The following FEM1B variants were observed in gnomAD, a reference collection of about 807,000 sequenced individuals.
FEM1B encodes the protein fem-1 homolog B, also known as protein fem-1 homolog B.
A neutral mutation model predicts 38.6 loss-of-function variants in FEM1B; 10 were observed. The observed-to-expected ratio is 0.26, with a 90% confidence interval of 0.16 to 0.44. FEM1B has a LOEUF of 0.44. Ranked by LOEUF, FEM1B falls within the 20% of genes least tolerant of loss-of-function variation. FEM1B has a pLI of 1.00. For missense variants in FEM1B, 471 were observed against 786.7 expected (o/e 0.60, Z 4.80); for synonymous variants, 288 against 288.0 (o/e 1.00, Z 0.00).
In FEM1B at chr15:68,278,042, A is replaced by T. The variant is rs1239376307; in HGVS notation, c.-376A>T. The stretch of plus-strand genomic sequence containing the variant: ...CCGGGGTGCGCGAGGTCCTCTCGGG[A>T]CCCGGCCGGCGACCCGTAGCTCGGG... On this transcript the variant is annotated 5_prime_UTR_variant, in exon 1 of 2. Transcript: ENST00000306917. The surrounding 1 kb of genome is among the most constrained non-coding windows in gnomAD (Gnocchi z 5.7). 1 of 217,276 alleles carries T rather than the reference A, an allele frequency of 4.6e-6. No homozygotes were observed. The highest frequency in any genetic ancestry group is 6.2e-5 in the Admixed American group (1 of 16,052). The allele number at this position is 217,276 out of a possible 1,614,324, so 13.5% of individuals were successfully genotyped here. A position where few individuals can be genotyped will look rare whatever the true frequency, so the allele number is the denominator to read the frequency against.
chr15:68,290,429 T>C lies in FEM1B; in HGVS notation c.1071T>C (p.Asn357=). 2 of 1,614,128 alleles carry C rather than the reference T, an allele frequency of 1.2e-6. No homozygotes were observed. Among genetic ancestry groups the C allele is most frequent in the Non-Finnish European group, 1.7e-6 (2 of 1,179,986 alleles). The change falls in exon 2 of 2, where the codon AAT becomes AAC. Residue 357 remains asparagine (N), a synonymous_variant. Coordinates refer to ENST00000306917, the MANE Select transcript of FEM1B (RefSeq NM_015322.5). The surrounding 1 kb of genome is among the most constrained non-coding windows in gnomAD (Gnocchi z 9.7). ...IIYRGAVYAD[N]MEFEQCIKLW... ...ACAGAGGAGCTGTTTATGCGGATAA[T>C]ATGGAATTTGAGCAGTGTATCAAGT...
Position 68,278,396 on chromosome 15 carries a change from G to GA in FEM1B, c.-22_-21insA. 1.9e-6 allele frequency: 3 copies of GA among 1,603,732 alleles called. No individual in the cohort carries two copies. Among genetic ancestry groups the GA allele is most frequent in the Non-Finnish European group, 2.6e-6 (3 of 1,175,328 alleles). On this transcript the variant is annotated 5_prime_UTR_variant, in exon 1 of 2. Transcript: ENST00000306917. The surrounding 1 kb of genome is among the most constrained non-coding windows in gnomAD (Gnocchi z 5.7). ...CAGCTGCAGCGGTGGCGACCAAACG[G>GA]GTGTTGGAGTTGGCGGCGGCCATGG... is the stretch of plus-strand genomic sequence containing the variant.
chr15:68,279,669 TCGACTGAAAA>T (rs1892705507), intron 1 of FEM1B, among the ~76,000 whole-genome samples: 1 of 150,554 alleles, frequency 6.6e-6, no homozygotes, highest in Non-Finnish European at 1.5e-5. Flanking sequence ...TGGCTAAAAC[TCGACTGAAAA>T]AAACATTTCT....
In FEM1B at chr15:68,290,610, A is replaced by G; in HGVS notation, c.1252A>G (p.Ile418Val). 1 of 1,614,252 alleles carries G rather than the reference A, an allele frequency of 6.2e-7. No individual in the cohort carries two copies. The highest frequency in any genetic ancestry group is 8.5e-7 in the Non-Finnish European group (1 of 1,180,036). Residue 418 changes from isoleucine (I) to valine (V), a missense_variant, in exon 2 of 2, where the codon ATA becomes GTA. Physicochemically the swap from Ile to Val is conservative, Grantham distance 29. This residue lies in a region of FEM1B where 380 missense variants were observed against 599.6 expected (regional missense o/e 0.63). Coordinates refer to ENST00000306917, the MANE Select transcript of FEM1B (RefSeq NM_015322.5). The surrounding 1 kb of genome is among the most constrained non-coding windows in gnomAD (Gnocchi z 9.7). Reference protein sequence around the residue: ...ECVLRCSVLEIEQSMNRVKNI... With the variant: ...ECVLRCSVLEVEQSMNRVKNI... ...TGTTTTGAGATGCAGTGTTTTGGAA[A>G]TAGAACAAAGTATGAACAGAGTGAA...
rs1180893899 is a variant in FEM1B at position 68,280,832 on chromosome 15, A to G, written c.248+2167A>G. 6.6e-6 allele frequency among the ~76,000 whole-genome samples: 1 copy of G among 152,236 alleles called. No homozygotes were observed. Among genetic ancestry groups the G allele is most frequent in the Non-Finnish European group, 1.5e-5 (1 of 68,048 alleles). ...TTGATTCTGTATATCAGTTTAGCTT[A>G]TGGATTATTACAATTATGAATTTAT... On this transcript the variant is annotated intron_variant, in intron 1 of 1. Coordinates refer to ENST00000306917, the MANE Select transcript of FEM1B (RefSeq NM_015322.5). This position sits in a 1 kb window ranked among gnomAD's most constrained non-coding sequence, Gnocchi z 4.2.
rs1050188488 is a variant in FEM1B, at chr15:68,288,924, C to T, written c.249-683C>T. ...TTTGTGCTTTCTCCCATTTCACTAC[C>T]TCTCCCCAAAAGTAACCAGTATCCT... On this transcript the variant is annotated intron_variant, in intron 1 of 1. Transcript: ENST00000306917. This position sits in a 1 kb window ranked among gnomAD's most constrained non-coding sequence, Gnocchi z 4.6. Among the ~76,000 whole-genome samples, 6 of 152,080 alleles carry T rather than the reference C, an allele frequency of 3.9e-5. No individual in the cohort carries two copies. Among genetic ancestry groups the T allele is most frequent in the African/African-American group, 1.4e-4 (6 of 41,392 alleles).
At position 68,278,177 on chromosome 15, in the gene FEM1B, G is replaced by T. The variant is rs1293338618; in HGVS notation, c.-241G>T. On this transcript the variant is annotated 5_prime_UTR_variant, in exon 1 of 2. Coordinates refer to ENST00000306917, the MANE Select transcript of FEM1B (RefSeq NM_015322.5). This position sits in a 1 kb window ranked among gnomAD's most constrained non-coding sequence, Gnocchi z 5.7. ...GGCCGGCGCCTGGGACCTGGCGGGC[G>T]GCCCTGACCGCCTTCCTCCCTGCGC... 3 of 476,104 alleles carry T rather than the reference G, an allele frequency of 6.3e-6. No homozygotes were observed. Among genetic ancestry groups the T allele is most frequent in the African/African-American group, 2.1e-5 (1 of 47,704 alleles). 29.5% of individuals were successfully genotyped at this position (476,104 alleles called of 1,614,324 possible).
chr15:68,285,281 G>A (rs1453870838), intron 1 of FEM1B, among the ~76,000 whole-genome samples: 4 of 148,520 alleles, frequency 2.7e-5, no homozygotes, highest in Non-Finnish European at 5.9e-5. Context: ...TAATATTTTG[G>A]TTGTTTCCAG....
chr15:68,278,167 C>G lies in FEM1B; in HGVS notation c.-251C>G. ...CTCGGTCCAGGGCCGGCGCCTGGGACCTGGCGGGCGGCCCTGACCGCCTTC... is the reference window on the plus strand; with the variant it reads ...CTCGGTCCAGGGCCGGCGCCTGGGAGCTGGCGGGCGGCCCTGACCGCCTTC... On this transcript the variant is annotated 5_prime_UTR_variant, in exon 1 of 2. Transcript: ENST00000306917. The surrounding 1 kb of genome is among the most constrained non-coding windows in gnomAD (Gnocchi z 5.7). 1 of 450,664 alleles carries G rather than the reference C, an allele frequency of 2.2e-6. No homozygotes were observed. Among genetic ancestry groups the G allele is most frequent in the South Asian group, 2.6e-5 (1 of 37,762 alleles). 27.9% of individuals were successfully genotyped at this position (450,664 alleles called of 1,614,324 possible).
chr15:68,294,550 A>G lies in FEM1B; in HGVS notation c.*3308A>G, dbSNP rs1188110120. On this transcript the variant is annotated 3_prime_UTR_variant, in exon 2 of 2. Transcript: ENST00000306917. This position sits in a 1 kb window ranked among gnomAD's most constrained non-coding sequence, Gnocchi z 4.4. ...TCACTATAGTTGAGGCAGCTACTTTATGAATAAGACCACTTTGGGTTATTT... is the reference window on the plus strand; with the variant it reads ...TCACTATAGTTGAGGCAGCTACTTTGTGAATAAGACCACTTTGGGTTATTT... 6.6e-6 allele frequency: 1 copy of G among 151,996 alleles called. No homozygotes were observed. The highest frequency in any genetic ancestry group is 1.5e-5 in the Non-Finnish European group (1 of 67,980). 9.4% of individuals were successfully genotyped at this position (151,996 alleles called of 1,614,324 possible). A position where few individuals can be genotyped will look rare whatever the true frequency, so the allele number is the denominator to read the frequency against.
chr15:68,290,282 T>C lies in FEM1B; in HGVS notation c.924T>C (p.Cys308=). 6.2e-7 allele frequency: 1 copy of C among 1,614,136 alleles called. No homozygotes were observed. Among genetic ancestry groups the C allele is most frequent in the Non-Finnish European group, 8.5e-7 (1 of 1,180,008 alleles). ...PIHAYGNRTE[C]RNPQELESIR... ...ATGCTTATGGGAATAGAACTGAATG[T>C]AGAAATCCTCAGGAACTGGAGTCCA... The change falls in exon 2 of 2, where the codon TGT becomes TGC. Residue 308 remains cysteine, a synonymous_variant. Coordinates refer to ENST00000306917, the MANE Select transcript of FEM1B (RefSeq NM_015322.5). This position sits in a 1 kb window ranked among gnomAD's most constrained non-coding sequence, Gnocchi z 9.7.
Position 68,290,960 on chromosome 15 carries a change from T to C in FEM1B, c.1602T>C (p.Ser534=). The change falls in exon 2 of 2, where the codon AGT becomes AGC. Residue 534 remains serine (S), a synonymous_variant. Transcript: ENST00000306917. This position sits in a 1 kb window ranked among gnomAD's most constrained non-coding sequence, Gnocchi z 9.7. ...EVNAVDNEGN[S]ALHIIVQYNR... is the part of the protein sequence containing the mutation. Reference sequence around the variant, plus strand: ...ATGCCGTGGACAATGAGGGAAACAGTGCCCTTCATATTATCGTTCAGTACA... The same window carrying C: ...ATGCCGTGGACAATGAGGGAAACAGCGCCCTTCATATTATCGTTCAGTACA... 1 of 1,614,208 alleles carries C rather than the reference T, an allele frequency of 6.2e-7. No individual in the cohort carries two copies. The highest frequency in any genetic ancestry group is 1.1e-5 in the South Asian group (1 of 91,088).
Position 68,278,717 on chromosome 15 carries a change from C to T in FEM1B, c.248+52C>T. The T allele has an allele frequency of 6.2e-7, 1 of 1,605,344 alleles. No individual in the cohort carries two copies. The highest frequency in any genetic ancestry group is 1.7e-5 in the Admixed American group (1 of 59,838). On this transcript the variant is annotated intron_variant, in intron 1 of 1. Transcript: ENST00000306917. The surrounding 1 kb of genome is among the most constrained non-coding windows in gnomAD (Gnocchi z 5.7). ...TCCGACGCGCGCGGACTCGTTAATT[C>T]ACGGGCCCTCCCCTCCCTCACCCTC...
In FEM1B at chr15:68,278,415, G is replaced by T. The variant is rs372561452; in HGVS notation, c.-3G>T. The T allele has an allele frequency of 3.1e-6, 5 of 1,609,324 alleles. No individual in the cohort carries two copies. The African/African-American group carries it at 6.7e-5, about 21-fold the overall frequency. On this transcript the variant is annotated 5_prime_UTR_variant, in exon 1 of 2. Coordinates refer to ENST00000306917, the MANE Select transcript of FEM1B (RefSeq NM_015322.5). The surrounding 1 kb of genome is among the most constrained non-coding windows in gnomAD (Gnocchi z 5.7). The stretch of plus-strand genomic sequence containing the variant: ...CAAACGGGTGTTGGAGTTGGCGGCG[G>T]CCATGGAGGGCCTGGCTGGCTATGT...
At chr15:68,285,926 GC>G (rs1206071565) in intron 1 of FEM1B, among the ~76,000 whole-genome samples, 1 of 144,628 alleles carries the variant, frequency 6.9e-6, no homozygotes, top group Non-Finnish European at 1.5e-5. Flanking sequence ...AACGGTTAAT[GC>G]TTTTTTTTTT....
In FEM1B at chr15:68,278,502, G is replaced by A. The variant is rs746922168; in HGVS notation, c.85G>A (p.Glu29Lys). The A allele has an allele frequency of 6.2e-7, 1 of 1,614,042 alleles. No individual in the cohort carries two copies. The highest frequency in any genetic ancestry group is 8.5e-7 in the Non-Finnish European group (1 of 1,180,038). The stretch of plus-strand genomic sequence containing the variant: ...GGCCGCCTTGCTTCTCAACCGGTCT[G>A]AAAGCGACATCCGCTATCTGCTTGG... ...TLAALLLNRS[E>K]SDIRYLLGYV... The change falls in exon 1 of 2, where the codon GAA (glutamate) becomes AAA (lysine). Residue 29 changes from glutamate (E) to lysine (K), a missense_variant. This residue lies in a region of FEM1B where 91 missense variants were observed against 169.6 expected (regional missense o/e 0.54). Coordinates refer to ENST00000306917, the MANE Select transcript of FEM1B (RefSeq NM_015322.5). The surrounding 1 kb of genome is among the most constrained non-coding windows in gnomAD (Gnocchi z 5.7).
chr15:68,283,716 A>G (rs1892753423), intron 1 of FEM1B, among the ~76,000 whole-genome samples: 1 of 151,990 alleles, frequency 6.6e-6, no homozygotes, highest in African/African-American at 2.4e-5. Flanking sequence ...CATTGTAACT[A>G]TGTAATTGTT....
chr15:68,285,062 C>T (rs1165150000), intron 1 of FEM1B, among the ~76,000 whole-genome samples: 2 of 152,220 alleles, frequency 1.3e-5, no homozygotes, highest in Admixed American at 6.5e-5. Flanking sequence ...ACTAATACAG[C>T]TTCTGTCACC....
Position 68,277,776 on chromosome 15 carries a change from T to C in FEM1B, c.-642T>C, listed in dbSNP as rs144153679. 7.1e-3 allele frequency: 1,084 copies of C among 152,386 alleles called. 5 individuals carry two copies. Among genetic ancestry groups the C allele is most frequent in the Non-Finnish European group, 0.011 (716 of 68,050 alleles). The allele number at this position is 152,386 out of a possible 1,614,324, so 9.4% of individuals were successfully genotyped here. On this transcript the variant is annotated 5_prime_UTR_variant, in exon 1 of 2. Transcript: ENST00000306917. The stretch of plus-strand genomic sequence containing the variant: ...TCCCGGCCCTGTCTGCGAAAGCTCG[T>C]CTTCCTCCCCGCCCAAGTTCCGGCG...
Sources: gnomAD v4.1 joint callset for allele counts (sites outside exome capture counted in the v4.1 genomes callset) on GRCh38, gnomAD v4.1.1 for gene constraint, gnomAD v4.1.1 regional missense constraint, Gnocchi (gnomAD v3.1) non-coding constraint, MANE v1.5 for transcripts, NCBI Gene and HGNC (gene_info 2026-07-23, HGNC 2026-07-21) for gene names.